RBM17: variants seen among roughly 807,000 people sequenced by gnomAD.
The protein encoded by RBM17 is splicing factor 45.
In RBM17, 7 loss-of-function variants were observed where a neutral mutation model predicts 53.2. The observed-to-expected ratio is 0.13, with a 90% CI of 0.07 to 0.25. The LOEUF (loss-of-function observed/expected upper bound fraction) is 0.25. Ranked by LOEUF, RBM17 falls within the 10% of genes least tolerant of loss-of-function variation. RBM17 has a pLI of 1.00. For missense variants in RBM17, 257 were observed against 496.7 expected (o/e 0.52, Z 4.59); for synonymous variants, 167 against 178.1 (o/e 0.94, Z 0.50).
At chr10:6,101,614 AAAAC>A (rs1476136150) in intron 3 of RBM17, among the ~76,000 whole-genome samples, 1 of 152,242 alleles carries the variant, frequency 6.6e-6, no homozygotes, top group Non-Finnish European at 1.5e-5. Context: ...CGCAGAAAGA[AAAAC>A]AAATTACCTT....
intron 5 of RBM17, 86 bp from the exon 6 acceptor site, chr10:6,108,600 T>A: frequency 1.0e-6 from 1 of 995,102 alleles, no homozygotes; most frequent in Non-Finnish European, 1.5e-6. Context: ...CTTAGGGGGG[T>A]GGGTGATAGA....
chr10:6,099,428 A>G (rs1840636828), intron 2 of RBM17, among the ~76,000 whole-genome samples: 1 of 152,146 alleles, frequency 6.6e-6, no homozygotes, highest in Non-Finnish European at 1.5e-5. Flanking sequence ...ATTTGAAAAA[A>G]TACAGTTGTT....
At chr10:6,101,216 G>C in intron 2 of RBM17, 55 bp from the exon 3 acceptor site, 1 of 1,119,730 alleles carries the variant, frequency 8.9e-7, no homozygotes, top group Admixed American at 2.4e-5. Flanking sequence ...GTTGCAAACA[G>C]TGTGAATTTT....
chr10:6,112,148 T>G lies in RBM17; in HGVS notation c.705-62T>G, dbSNP rs368985409. 3.2e-6 allele frequency: 5 copies of G among 1,563,516 alleles called. No individual in the cohort carries two copies. Among genetic ancestry groups the G allele is most frequent in the East Asian group, 4.5e-5 (2 of 44,584 alleles). ...GAAGGAGGTTGTTGTGATGGAAAAA[T>G]GCAACCTATCTCCAGTTGACGATGT... is the stretch of plus-strand genomic sequence containing the variant. On this transcript the variant is annotated intron_variant, in intron 7 of 11. Transcript: ENST00000379888. This position sits in a 1 kb window ranked among gnomAD's most constrained non-coding sequence, Gnocchi z 4.4.
intron 2 of RBM17, among the ~76,000 whole-genome samples, chr10:6,098,282 T>C (rs1049054049): frequency 3.4e-4 from 52 of 152,292 alleles, no homozygotes; most frequent in African/African-American, 1.2e-3. Context: ...GAAAATTTCA[T>C]GTGCGGGAGA....
chr10:6,116,893 T>C lies in RBM17; in HGVS notation c.*1337T>C, dbSNP rs1021022070. ...TTTTATGATAAAAGTGCACCTGTTCTGTAAAGTAAGTTGGGGTTAAGGAAT... is the reference window on the plus strand; with the variant it reads ...TTTTATGATAAAAGTGCACCTGTTCCGTAAAGTAAGTTGGGGTTAAGGAAT... On this transcript the variant is annotated 3_prime_UTR_variant, in exon 12 of 12. Transcript: ENST00000379888. The C allele has an allele frequency of 6.6e-6, 1 of 152,370 alleles. No homozygotes were observed. The highest frequency in any genetic ancestry group is 2.4e-5 in the African/African-American group (1 of 41,464). 9.4% of individuals were successfully genotyped at this position (152,370 alleles called of 1,614,324 possible).
At chr10:6,094,811 T>G (rs918269571) in intron 1 of RBM17, among the ~76,000 whole-genome samples, 2 of 152,246 alleles carry the variant, frequency 1.3e-5, no homozygotes, top group Non-Finnish European at 2.9e-5. Context: ...TTGTTCCTTC[T>G]GGCCAGTGAT....
At chr10:6,101,810 T>C (rs1423630456) in intron 3 of RBM17, among the ~76,000 whole-genome samples, 1 of 152,226 alleles carries the variant, frequency 6.6e-6, no homozygotes, top group Non-Finnish European at 1.5e-5. Flanking sequence ...ATTTAATTCC[T>C]TTAATGCTGG....
chr10:6,092,126 A>G (rs1840495105), intron 1 of RBM17, among the ~76,000 whole-genome samples: 1 of 152,242 alleles, frequency 6.6e-6, no homozygotes, highest in Non-Finnish European at 1.5e-5. Context: ...ACAAAAAGGA[A>G]GGAAATAGCA....
intron 1 of RBM17, among the ~76,000 whole-genome samples, chr10:6,091,038 T>TATTTATATAC (rs71390120): frequency 7.0e-6 from 1 of 143,294 alleles, no homozygotes; most frequent in African/African-American, 2.5e-5. Flanking sequence ...TATTTATATA[T>TATTTATATAC]TTTTATATAT....
chr10:6,107,757 C>G (rs1031571937), intron 5 of RBM17, among the ~76,000 whole-genome samples: 3 of 152,088 alleles, frequency 2.0e-5, no homozygotes, highest in African/African-American at 7.2e-5. Flanking sequence ...GCTGGGATTA[C>G]AGGAGTGAAC....
intron 1 of RBM17, among the ~76,000 whole-genome samples, chr10:6,091,649 A>C (rs1487684973): frequency 6.6e-6 from 1 of 152,198 alleles, no homozygotes; most frequent in Admixed American, 6.6e-5. Flanking sequence ...TTTTTCATCC[A>C]TTCACTAACA....
chr10:6,099,368 G>A (rs1230239307), intron 2 of RBM17, among the ~76,000 whole-genome samples: 2 of 151,578 alleles, frequency 1.3e-5, no homozygotes, highest in African/African-American at 4.9e-5. Flanking sequence ...ACCTGTAAAG[G>A]TATTTATTTG....
chr10:6,110,896 G>A (rs542661436), intron 7 of RBM17, among the ~76,000 whole-genome samples: 1 of 152,330 alleles, frequency 6.6e-6, no homozygotes, highest in African/African-American at 2.4e-5. Context: ...ATAGGACATG[G>A]CCGTGGCTGC....
At chr10:6,091,029 A>ATT (rs1554834367) in intron 1 of RBM17, among the ~76,000 whole-genome samples, 228 of 141,718 alleles carry the variant, frequency 1.6e-3, no homozygotes, top group Non-Finnish European at 2.8e-3. Flanking sequence ...ATTTATATAT[A>ATT]TTTATATATT....
At chr10:6,091,029 A>ATATT (rs1554834365) in intron 1 of RBM17, among the ~76,000 whole-genome samples, 2 of 141,726 alleles carry the variant, frequency 1.4e-5, no homozygotes, top group Non-Finnish European at 3.0e-5. Flanking sequence ...ATTTATATAT[A>ATATT]TTTATATATT....
intron 4 of RBM17, among the ~76,000 whole-genome samples, chr10:6,105,630 C>T (rs1840737869): frequency 6.6e-6 from 1 of 152,160 alleles, no homozygotes; most frequent in African/African-American, 2.4e-5. Context: ...CTTAACTTTA[C>T]TATTTTTGAG....
At chr10:6,096,083 A>G (rs142224374) in intron 1 of RBM17, among the ~76,000 whole-genome samples, 1 of 152,140 alleles carries the variant, frequency 6.6e-6, no homozygotes, top group Non-Finnish European at 1.5e-5. Context: ...TTTACTTGCA[A>G]TTTGTGGGTT....
chr10:6,099,526 G>A (rs1036810954), intron 2 of RBM17, among the ~76,000 whole-genome samples: 5 of 151,902 alleles, frequency 3.3e-5, no homozygotes, highest in Admixed American at 1.3e-4. Context: ...AAAATGGTGT[G>A]GTATTTGCAC....
Sources: gnomAD v4.1 joint callset for allele counts (sites outside exome capture counted in the v4.1 genomes callset) on GRCh38, gnomAD v4.1.1 for gene constraint, Gnocchi (gnomAD v3.1) non-coding constraint, MANE v1.5 for transcripts, NCBI Gene and HGNC (gene_info 2026-07-23, HGNC 2026-07-21) for gene names.